Variants in SLC9B1 observed in about 807,000 individuals in gnomAD.
SLC9B1 encodes the protein solute carrier family 9 member B1, also known as sodium/hydrogen exchanger 9B1.
A neutral mutation model predicts 51.7 loss-of-function variants in SLC9B1; 32 were observed. The ratio of observed to expected loss-of-function variants is 0.62; its 90% CI spans 0.47 to 0.83. The LOEUF (loss-of-function observed/expected upper bound fraction) is 0.83. SLC9B1 is among the 40% of genes least tolerant of loss of function. The pLI is 0.00. For missense variants in SLC9B1, 406 were observed against 613.2 expected, an observed-to-expected ratio of 0.66 and a Z score of 3.57; for synonymous variants, 145 against 212.7, an observed-to-expected ratio of 0.68 and a Z score of 2.77.
chr4:102,910,711 A>C, intron 8 of SLC9B1, 123 bp from the exon 9 acceptor site: 1 of 454,028 alleles, frequency 2.2e-6, no homozygotes. Flanking sequence ...TTAAATGTCT[A>C]AAATTTTGAT....
At chr4:102,985,776 C>A (rs1456912527) in intron 3 of SLC9B1, among the ~76,000 whole-genome samples, 1 of 152,150 alleles carries the variant, frequency 6.6e-6, no homozygotes, top group East Asian at 1.9e-4. Context: ...CCACCCACCT[C>A]CACCTCCCAA....
At chr4:102,913,760 T>C (rs1304802414) in intron 7 of SLC9B1, among the ~76,000 whole-genome samples, 11 of 77,070 alleles carry the variant, frequency 1.4e-4, no homozygotes, top group African/African-American at 6.0e-4. Flanking sequence ...AAATAATTCA[T>C]GAACAAAATG....
intron 6 of SLC9B1, among the ~76,000 whole-genome samples, chr4:102,936,559 C>T (rs546328479): frequency 2.0e-5 from 3 of 152,246 alleles, no homozygotes; most frequent in Non-Finnish European, 4.4e-5. Context: ...TAAGAAAGAA[C>T]CAAACTAAAC....
chr4:102,907,987 T>C (rs528509527), intron 9 of SLC9B1, among the ~76,000 whole-genome samples: 22 of 152,282 alleles, frequency 1.4e-4, no homozygotes, highest in African/African-American at 5.3e-4. Flanking sequence ...TATGATTATA[T>C]AAGAATACTA....
intron 3 of SLC9B1, among the ~76,000 whole-genome samples, chr4:102,968,863 G>A (rs1259897856): frequency 1.3e-5 from 2 of 152,116 alleles, no homozygotes; most frequent in African/African-American, 4.8e-5. Flanking sequence ...CTTAGCAAAC[G>A]GCACACCAGG....
At chr4:102,902,127 C>T (rs1201333014) in intron 11 of SLC9B1, among the ~76,000 whole-genome samples, 1 of 152,114 alleles carries the variant, frequency 6.6e-6, no homozygotes, top group Non-Finnish European at 1.5e-5. Context: ...CCCTAGTCAC[C>T]TTCTACCACA....
chr4:102,988,865 C>T (rs1739799197), intron 3 of SLC9B1, among the ~76,000 whole-genome samples: 1 of 152,086 alleles, frequency 6.6e-6, no homozygotes, highest in African/African-American at 2.4e-5. Flanking sequence ...CTGTAGTCCA[C>T]ACTCAGTGAA....
chr4:102,948,101 T>C (rs1318497680), intron 4 of SLC9B1, among the ~76,000 whole-genome samples: 1 of 152,170 alleles, frequency 6.6e-6, no homozygotes, highest in Non-Finnish European at 1.5e-5. Flanking sequence ...AGAGTTTTCA[T>C]ATCACATTGT....
intron 7 of SLC9B1, among the ~76,000 whole-genome samples, chr4:102,930,456 C>T (rs1340645400): frequency 6.6e-6 from 1 of 152,238 alleles, no homozygotes; most frequent in African/African-American, 2.4e-5. Flanking sequence ...GTGTCTCACT[C>T]TGTTGCCCAG....
At chr4:102,968,762 G>A (rs1262940173) in intron 3 of SLC9B1, among the ~76,000 whole-genome samples, 2 of 152,180 alleles carry the variant, frequency 1.3e-5, no homozygotes, top group Non-Finnish European at 2.9e-5. Flanking sequence ...AGGGGTCGGG[G>A]GATTTCCCTT....
chr4:102,961,334 G>A (rs975054094), intron 3 of SLC9B1, among the ~76,000 whole-genome samples: 4 of 152,268 alleles, frequency 2.6e-5, no homozygotes, highest in Admixed American at 2.6e-4. Flanking sequence ...TCCTTTTTCT[G>A]AATCACCCAT....
chr4:102,931,087 G>A (rs1330332553), intron 7 of SLC9B1, among the ~76,000 whole-genome samples: 6 of 151,912 alleles, frequency 3.9e-5, no homozygotes, highest in South Asian at 2.1e-4. Context: ...TTAGCCGGGC[G>A]TGGTGGTGGG....
intron 1 of SLC9B1, among the ~76,000 whole-genome samples, chr4:103,009,109 G>GT (rs1740961841): frequency 6.6e-6 from 1 of 152,128 alleles, no homozygotes; most frequent in Non-Finnish European, 1.5e-5. Flanking sequence ...GGCTTTAACA[G>GT]TTTTAAGTCT....
chr4:102,958,609 C>T (rs1737925605), intron 3 of SLC9B1, among the ~76,000 whole-genome samples: 1 of 152,024 alleles, frequency 6.6e-6, no homozygotes, highest in Non-Finnish European at 1.5e-5. Context: ...TATGACCATG[C>T]CATTGTCTCT....
At chr4:102,908,389 G>GAT (rs1182194742) in intron 9 of SLC9B1, among the ~76,000 whole-genome samples, 145 of 34,306 alleles carry the variant, frequency 4.2e-3, no homozygotes, top group Admixed American at 6.2e-3. Flanking sequence ...TGTGTGTATA[G>GAT]ATATATATAT....
At chr4:102,974,240 TTGAAAAA>T (rs1239959535) in intron 3 of SLC9B1, among the ~76,000 whole-genome samples, 1 of 76,276 alleles carries the variant, frequency 1.3e-5, no homozygotes, top group Non-Finnish European at 2.4e-5. Context: ...CTGTCTAAAA[TTGAAAAA>T]AAAAAAAAAA....
chr4:102,906,442 T>C (rs1484698598), intron 10 of SLC9B1, 94 bp downstream of exon 10: 4 of 653,620 alleles, frequency 6.1e-6, no homozygotes, highest in Non-Finnish European at 9.8e-6. Flanking sequence ...AAGGTCGTTG[T>C]AGCCAAAGAT....
chr4:102,918,223 T>C (rs13107245), intron 7 of SLC9B1, among the ~76,000 whole-genome samples: 4 of 151,128 alleles, frequency 2.6e-5, no homozygotes, highest in Admixed American at 1.3e-4. Context: ...AGAGAAGACA[T>C]TGCAACAGAT....
chr4:102,974,467 AT>A (rs1288678879), intron 3 of SLC9B1, among the ~76,000 whole-genome samples: 7 of 152,224 alleles, frequency 4.6e-5, no homozygotes, highest in Admixed American at 4.6e-4. Flanking sequence ...AATATTAGGA[AT>A]AAAAAATGAA....
Sources: allele counts gnomAD v4.1 joint callset (sites outside exome capture counted in the v4.1 genomes callset), GRCh38; gene constraint gnomAD v4.1.1; transcripts MANE v1.5; gene names NCBI Gene and HGNC (gene_info 2026-07-23, HGNC 2026-07-21).